Variants in CBLN2 observed in about 807,000 individuals in gnomAD.
CBLN2 encodes cerebellin 2 precursor.
Under a neutral mutation model 15.0 loss-of-function variants are expected in CBLN2, and 7 were observed. The observed-to-expected ratio is 0.47, with a 90% CI of 0.27 to 0.88. The LOEUF (loss-of-function observed/expected upper bound fraction) is 0.88, where lower values mean the gene tolerates loss of function less well. CBLN2 is among the 40% of genes least tolerant of loss of function. CBLN2 has a pLI of 0.14. For synonymous variants in CBLN2, 149 were observed against 135.2 expected (o/e 1.10, Z -0.71); for missense variants, 242 against 304.5 (o/e 0.79, Z 1.53).
rs75642609 is a variant in CBLN2, at chr18:72,570,784, A to G, written c.16-32012T>C. 7.4e-3 allele frequency among the ~76,000 whole-genome samples: 1,129 copies of G among 152,262 alleles called. 18 individuals are homozygous for G. The highest frequency in any genetic ancestry group is 0.037 in the East Asian group (193 of 5,172). Reference sequence around the variant, plus strand: ...AGGTTTCCAGTAAGAGAGCTGCAACAAGAAGGCAGAGTGTGCCCTTGTTCA... The same window carrying G: ...AGGTTTCCAGTAAGAGAGCTGCAACGAGAAGGCAGAGTGTGCCCTTGTTCA... On this transcript the variant is annotated intron_variant, in intron 1 of 2. Transcript: ENST00000581073.
intron 1 of CBLN2, among the ~76,000 whole-genome samples, chr18:72,570,181 C>T (rs903181206): frequency 6.6e-6 from 1 of 151,884 alleles, no homozygotes; most frequent in African/African-American, 2.4e-5. Context: ...GATACTTAAC[C>T]TTATATGTGT....
chr18:72,569,029 T>C (rs890584239), intron 1 of CBLN2, among the ~76,000 whole-genome samples: 21 of 152,244 alleles, frequency 1.4e-4, no homozygotes, highest in Non-Finnish European at 2.1e-4. Flanking sequence ...TTCCCATTTG[T>C]TTCACTTGTT....
chr18:72,542,499 G>A (rs2069123998), intron 2 of CBLN2, among the ~76,000 whole-genome samples, 173 bp from the exon 3 acceptor site: 2 of 151,754 alleles, frequency 1.3e-5, no homozygotes, highest in African/African-American at 4.8e-5. Context: ...AGAAACGCCC[G>A]GGCGCAGCTG....
At chr18:72,631,652 T>C (rs2069777705) in intron 1 of CBLN2, among the ~76,000 whole-genome samples, 1 of 151,974 alleles carries the variant, frequency 6.6e-6, no homozygotes, top group Non-Finnish European at 1.5e-5. Flanking sequence ...GGGATAGAAG[T>C]CCCGGAATTA....
chr18:72,612,547 C>A (rs1258283516), intron 1 of CBLN2, among the ~76,000 whole-genome samples: 1 of 152,020 alleles, frequency 6.6e-6, no homozygotes, highest in Non-Finnish European at 1.5e-5. Flanking sequence ...CTGTTGGATG[C>A]ATATTTTCTG....
intron 1 of CBLN2, among the ~76,000 whole-genome samples, chr18:72,637,998 C>T (rs1032027455): frequency 6.6e-6 from 1 of 152,128 alleles, no homozygotes; most frequent in African/African-American, 2.4e-5. Context: ...AAGTGAGCAT[C>T]CCAAGACTGT....
Position 72,538,094 on chromosome 18 carries a change from A to G in CBLN2, c.*82T>C, listed in dbSNP as rs1469346254. ...ACGGAGGTTGGAAACAAGGTGTCCA[A>G]TTCCAGTAAGTTCAGGGTGTTTTAA... On this transcript the variant is annotated 3_prime_UTR_variant, in exon 5 of 5. Coordinates refer to ENST00000269503, the MANE Select transcript of CBLN2 (RefSeq NM_182511.4). The G allele has an allele frequency of 1.4e-6, 2 of 1,409,528 alleles. No homozygotes were observed. The highest frequency in any genetic ancestry group is 2.3e-5 in the East Asian group (1 of 43,540). The allele number at this position is 1,409,528 out of a possible 1,614,324, so 87.3% of individuals were successfully genotyped here.
upstream of CBLN2, among the ~76,000 whole-genome samples, chr18:72,547,437 A>G (rs2069165733): frequency 6.6e-6 from 1 of 152,168 alleles, no homozygotes; most frequent in African/African-American, 2.4e-5. Context: ...AGAAAACGGC[A>G]CATGTACCCC....
chr18:72,626,421 T>C (rs2069739808), intron 1 of CBLN2, among the ~76,000 whole-genome samples: 2 of 152,120 alleles, frequency 1.3e-5, no homozygotes, highest in African/African-American at 4.8e-5. Flanking sequence ...TGAAAAATAG[T>C]CACCAATCCT....
intron 1 of CBLN2, among the ~76,000 whole-genome samples, chr18:72,624,443 C>A (rs1458222208): frequency 5.9e-5 from 9 of 152,088 alleles, no homozygotes; most frequent in Non-Finnish European, 1.2e-4. Context: ...AGTTCAAGAC[C>A]AGCTTTGCCA....
intron 1 of CBLN2, among the ~76,000 whole-genome samples, chr18:72,565,128 G>C (rs917497549): frequency 6.6e-6 from 1 of 152,130 alleles, no homozygotes; most frequent in Non-Finnish European, 1.5e-5. Flanking sequence ...ATTACAAAAA[G>C]TGTTTAAGGA....
intron 1 of CBLN2, among the ~76,000 whole-genome samples, chr18:72,549,524 A>T (rs1036905829): frequency 2.6e-5 from 4 of 152,212 alleles, no homozygotes; most frequent in African/African-American, 7.2e-5. Context: ...TATAATAAAC[A>T]TGGAAGCCAG....
chr18:72,540,997 A>C (rs2069105271), intron 3 of CBLN2, among the ~76,000 whole-genome samples: 1 of 152,244 alleles, frequency 6.6e-6, no homozygotes, highest in Non-Finnish European at 1.5e-5. Context: ...AGCAGGACAC[A>C]AAAAGAAGGT....
intron 1 of CBLN2, among the ~76,000 whole-genome samples, chr18:72,578,273 C>T (rs974327776): frequency 6.6e-6 from 1 of 152,186 alleles, no homozygotes; most frequent in Non-Finnish European, 1.5e-5. Flanking sequence ...AGCCAGTGAT[C>T]AATTTACTGT....
chr18:72,538,496 C>G (rs2069084996), intron 4 of CBLN2, 123 bp from the exon 5 acceptor site: 2 of 1,412,768 alleles, frequency 1.4e-6, no homozygotes, highest in African/African-American at 1.4e-5. Flanking sequence ...ATCAGGGGAG[C>G]CTGACAGTGA....
At chr18:72,615,040 T>A (rs1203873833) in intron 1 of CBLN2, among the ~76,000 whole-genome samples, 1 of 138,466 alleles carries the variant, frequency 7.2e-6, no homozygotes. Flanking sequence ...CAAGTACATA[T>A]ATATATATAT....
intron 1 of CBLN2, among the ~76,000 whole-genome samples, chr18:72,605,384 G>A (rs2069576471): frequency 6.6e-6 from 1 of 152,060 alleles, no homozygotes; most frequent in African/African-American, 2.4e-5. Flanking sequence ...TGTTAACAGT[G>A]CCAGGCAAGT....
upstream of CBLN2, among the ~76,000 whole-genome samples, chr18:72,547,955 G>A (rs186590486): frequency 4.7e-4 from 72 of 152,214 alleles, no homozygotes; most frequent in African/African-American, 1.5e-3. Flanking sequence ...TGTTCTGCTC[G>A]CTCTTACCAG....
intron 1 of CBLN2, among the ~76,000 whole-genome samples, chr18:72,610,651 A>C (rs1370884011): frequency 1.3e-5 from 2 of 152,212 alleles, no homozygotes; most frequent in African/African-American, 4.8e-5. Flanking sequence ...AGAAATCAAT[A>C]AGGAGCATCC....
Sources: allele counts gnomAD v4.1 joint callset (sites outside exome capture counted in the v4.1 genomes callset), GRCh38; gene constraint gnomAD v4.1.1; transcripts MANE v1.5; gene names NCBI Gene and HGNC (gene_info 2026-07-23, HGNC 2026-07-21).